The following APLF variants were observed in gnomAD, a reference collection of about 807,000 sequenced individuals.
APLF encodes aprataxin and PNKP like factor, also known as aprataxin and PNK-like factor.
Under a neutral mutation model 55.6 loss-of-function variants are expected in APLF, and 61 were observed. The observed-to-expected ratio is 1.10, with a 90% CI of 0.89 to 1.36. The LOEUF is 1.36. Ranked by LOEUF, APLF falls within the 40% of genes most tolerant of loss-of-function variation. The pLI, the probability that APLF is intolerant of heterozygous loss-of-function variation, is 0.00. For missense variants in APLF, 611 were observed against 602.5 expected (o/e 1.01, Z -0.15); for synonymous variants, 207 against 214.8 (o/e 0.96, Z 0.32).
intron 1 of APLF, among the ~76,000 whole-genome samples, chr2:68,478,457 C>G (rs2103882820): frequency 6.6e-6 from 1 of 152,114 alleles, no homozygotes; most frequent in African/African-American, 2.4e-5. Context: ...TAATATGATT[C>G]AAGAAAAAGC....
intron 5 of APLF, among the ~76,000 whole-genome samples, chr2:68,514,122 T>C (rs921443955): frequency 6.6e-6 from 1 of 151,828 alleles, no homozygotes; most frequent in African/African-American, 2.4e-5. Flanking sequence ...TTATTGTACT[T>C]TTCAGTTCTG....
intron 1 of APLF, among the ~76,000 whole-genome samples, chr2:68,468,395 A>G (rs960196486): frequency 3.3e-5 from 5 of 152,190 alleles, no homozygotes; most frequent in African/African-American, 7.2e-5. Context: ...CTAACCCTTC[A>G]TAAGTAATGT....
intron 1 of APLF, among the ~76,000 whole-genome samples, chr2:68,487,586 A>G (rs1676225426): frequency 6.6e-6 from 1 of 152,168 alleles, no homozygotes; most frequent in Admixed American, 6.5e-5. Flanking sequence ...ATTACAGTTG[A>G]TGTATTAATA....
Position 68,502,857 on chromosome 2 carries a change from C to T in APLF, c.295C>T (p.Arg99Cys), listed in dbSNP as rs200032355. ...TTTGTTAGTTGACAAATACATTTTC[C>T]GCATTCTCTCTATACCCTCTGAAGT... ...FSLLVDKYIFRILSIPSEVEM... is the reference protein window; with the variant it reads ...FSLLVDKYIFCILSIPSEVEM... The change falls in exon 3 of 10, where the codon CGC becomes TGC. Residue 99 changes from arginine (R) to cysteine (C), a missense_variant. Physicochemically the swap from Arg to Cys is radical, Grantham distance 180. Transcript: ENST00000303795. The T allele has an allele frequency of 4.4e-5, 70 of 1,606,260 alleles. No homozygotes were observed. In the East Asian group the frequency reaches 6.3e-4, roughly 15 times the overall value.
intron 8 of APLF, among the ~76,000 whole-genome samples, chr2:68,558,352 A>G (rs934310703): frequency 1.3e-5 from 2 of 152,144 alleles, no homozygotes; most frequent in African/African-American, 4.8e-5. Context: ...ACTTTTTACT[A>G]TTTTATGCTG....
chr2:68,492,028 T>G (rs1342283629), intron 2 of APLF, among the ~76,000 whole-genome samples: 2 of 152,224 alleles, frequency 1.3e-5, no homozygotes, highest in Non-Finnish European at 2.9e-5. Context: ...TGCATGAATA[T>G]TTTAAACATT....
At chr2:68,574,890 C>T (rs1477212449) in intron 9 of APLF, among the ~76,000 whole-genome samples, 3 of 152,046 alleles carry the variant, frequency 2.0e-5, no homozygotes, top group South Asian at 2.1e-4. Flanking sequence ...TAAAGATGTT[C>T]AGTAGTTGAT....
chr2:68,550,257 A>G (rs2104026911), intron 8 of APLF, among the ~76,000 whole-genome samples: 1 of 151,906 alleles, frequency 6.6e-6, no homozygotes, highest in East Asian at 1.9e-4. Context: ...TTTGAGATGG[A>G]GTTTTACTCT....
At chr2:68,550,758 A>T (rs1313659815) in intron 8 of APLF, among the ~76,000 whole-genome samples, 1 of 151,942 alleles carries the variant, frequency 6.6e-6, no homozygotes, top group Admixed American at 6.6e-5. Context: ...TGGTGCTTTT[A>T]CCATTTCCCA....
At chr2:68,549,513 C>T (rs1670797277) in intron 8 of APLF, among the ~76,000 whole-genome samples, 1 of 152,006 alleles carries the variant, frequency 6.6e-6, no homozygotes, top group Non-Finnish European at 1.5e-5. Flanking sequence ...TTATATAGCA[C>T]ACACTTTGGA....
intron 8 of APLF, among the ~76,000 whole-genome samples, chr2:68,548,362 A>G (rs1670764365): frequency 6.6e-6 from 1 of 151,948 alleles, no homozygotes; most frequent in Non-Finnish European, 1.5e-5. Flanking sequence ...TGACAGTAGC[A>G]TATATCTAGA....
Position 68,545,301 on chromosome 2 carries a change from A to C in APLF, c.1275A>C (p.Pro425=). 6.2e-7 allele frequency: 1 copy of C among 1,613,366 alleles called. No individual in the cohort carries two copies. Among genetic ancestry groups the C allele is most frequent in the African/African-American group, 1.3e-5 (1 of 75,022 alleles). The part of the protein sequence containing the change: ...TDDRPECPYG[P]SCYRKNPQHK... ...ACCGGCCTGAATGTCCCTATGGACC[A>C]TCCTGTTATAGGTATAGAAACTGAA... Residue 425 remains proline (P), a synonymous_variant, in exon 8 of 10, where the codon CCA becomes CCC. Coordinates refer to ENST00000303795, the MANE Select transcript of APLF (RefSeq NM_173545.3).
In APLF at chr2:68,502,754, C is replaced by G; in HGVS notation, c.192C>G (p.Tyr64Ter). The G allele has an allele frequency of 3.9e-6, 6 of 1,537,256 alleles. No homozygotes were observed. Among genetic ancestry groups the G allele is most frequent in the Non-Finnish European group, 5.2e-6 (6 of 1,150,720 alleles). The change falls in exon 3 of 10, where the codon TAC becomes TAG. Residue 64 changes from tyrosine (Y) to a stop codon, truncating the protein, a stop_gained. Coordinates refer to ENST00000303795, the MANE Select transcript of APLF (RefSeq NM_173545.3). LOFTEE classifies it high-confidence loss of function. ...AGATACACACAAATCCATGTTTTTA[C>G]CAGTCTTCAGAGAAGAGTCAGCTCT... is the stretch of plus-strand genomic sequence containing the variant. ...IKPIHTNPCF[Y>*]QSSEKSQLLP... is the part of the protein sequence containing the mutation.
chr2:68,545,583 C>T (rs962277178), intron 8 of APLF, among the ~76,000 whole-genome samples: 1 of 152,134 alleles, frequency 6.6e-6, no homozygotes, highest in African/African-American at 2.4e-5. Context: ...GCTGTTGATG[C>T]TACCCCAATA....
intron 8 of APLF, chr2:68,562,953 A>G: frequency 2.2e-6 from 1 of 450,180 alleles, no homozygotes; most frequent in Non-Finnish European, 2.9e-6. Flanking sequence ...GTTAAAGTCC[A>G]TCTATTCTGT....
At chr2:68,488,381 C>T (rs1390534625) in intron 1 of APLF, among the ~76,000 whole-genome samples, 1 of 147,270 alleles carries the variant, frequency 6.8e-6, no homozygotes, top group African/African-American at 2.5e-5. Context: ...CCCAGGCTGG[C>T]ATGCAGTGGC....
At chr2:68,511,837 A>G (rs1165218889) in intron 3 of APLF, among the ~76,000 whole-genome samples, 1 of 151,624 alleles carries the variant, frequency 6.6e-6, no homozygotes, top group Non-Finnish European at 1.5e-5. Flanking sequence ...GATTGAATGA[A>G]CAAAAAATGT....
chr2:68,484,565 G>A (rs1169359054), intron 1 of APLF, among the ~76,000 whole-genome samples: 2 of 152,012 alleles, frequency 1.3e-5, no homozygotes, highest in African/African-American at 4.8e-5. Context: ...GGTGGCGCAT[G>A]CCTGTAATCC....
At chr2:68,569,579 C>A (rs1462906476) in intron 9 of APLF, among the ~76,000 whole-genome samples, 3 of 152,036 alleles carry the variant, frequency 2.0e-5, no homozygotes, top group Admixed American at 6.6e-5. Flanking sequence ...ACAGCCAGAC[C>A]AAAGACATGG....
Sources: gnomAD v4.1 joint callset for allele counts (sites outside exome capture counted in the v4.1 genomes callset) on GRCh38, gnomAD v4.1.1 for gene constraint, MANE v1.5 for transcripts, NCBI Gene and HGNC (gene_info 2026-07-23, HGNC 2026-07-21) for gene names.